LIMCH1: variants seen among roughly 807,000 people sequenced by gnomAD.
The protein encoded by LIMCH1 is LIM and calponin homology domains 1, also known as LIM and calponin homology domains-containing protein 1.
In LIMCH1, 113 loss-of-function variants were observed where a neutral mutation model predicts 176.5. The observed-to-expected ratio is 0.64, with a 90% CI of 0.55 to 0.75. The LOEUF (loss-of-function observed/expected upper bound fraction) is 0.75. LIMCH1 is among the 30% of genes least tolerant of loss of function. The pLI, the probability that LIMCH1 is intolerant of heterozygous loss-of-function variation, is 0.00. For missense variants in LIMCH1, 1,674 were observed against 1,814.9 expected, an observed-to-expected ratio of 0.92 and a Z score of 1.41; for synonymous variants, 619 against 645.9, an observed-to-expected ratio of 0.96 and a Z score of 0.63.
At chr4:41,522,169 G>C (rs2076187160) in intron 2 of LIMCH1, among the ~76,000 whole-genome samples, 1 of 152,086 alleles carries the variant, frequency 6.6e-6, no homozygotes, top group African/African-American at 2.4e-5. Context: ...AAAACTATTA[G>C]ACAGAGTGGT....
intron 1 of LIMCH1, among the ~76,000 whole-genome samples, chr4:41,489,007 G>C (rs1183324070): frequency 1.3e-5 from 2 of 152,046 alleles, no homozygotes; most frequent in East Asian, 3.9e-4. Context: ...AGTGAACTAT[G>C]GCTGTTCGTG....
At chr4:41,526,643 A>G (rs2076688554) in intron 3 of LIMCH1, among the ~76,000 whole-genome samples, 1 of 152,096 alleles carries the variant, frequency 6.6e-6, no homozygotes, top group Non-Finnish European at 1.5e-5. Flanking sequence ...ATTGACCCAA[A>G]GCAGCATTTC....
At position 41,698,593 on chromosome 4, in the gene LIMCH1, T is replaced by A. The variant is rs1311357627; in HGVS notation, c.*1408T>A. The A allele has an allele frequency of 1.3e-5, 2 of 152,640 alleles. No individual in the cohort carries two copies. Among genetic ancestry groups the A allele is most frequent in the Non-Finnish European group, 2.9e-5 (2 of 68,036 alleles). 9.5% of individuals were successfully genotyped at this position (152,640 alleles called of 1,614,324 possible). On this transcript the variant is annotated 3_prime_UTR_variant, in exon 32 of 32. Transcript: ENST00000503057. Reference sequence around the variant, plus strand: ...AAGATGACATTTTGTGAATGTAGACTATGGATACACTCCTAATAGATTGAT... The same window carrying A: ...AAGATGACATTTTGTGAATGTAGACAATGGATACACTCCTAATAGATTGAT...
At chr4:41,538,149 A>G (rs2078158621), upstream of LIMCH1, 1 of 985,292 alleles carries the variant, frequency 1.0e-6, no homozygotes, top group Non-Finnish European at 1.2e-6. Flanking sequence ...GTTCCCTTTC[A>G]CTGCATCAGC....
chr4:41,430,484 G>A (rs769253970), intron 1 of LIMCH1, among the ~76,000 whole-genome samples: 4 of 152,144 alleles, frequency 2.6e-5, no homozygotes, highest in East Asian at 1.9e-4. Flanking sequence ...GGATGGTCTC[G>A]ATCTCCTGAC....
chr4:41,682,660 AT>A (rs1054518347), intron 26 of LIMCH1, among the ~76,000 whole-genome samples, 200 bp downstream of exon 26: 18 of 141,908 alleles, frequency 1.3e-4, no homozygotes, highest in Middle Eastern at 3.8e-3. Context: ...AAATAGCCTT[AT>A]TTTTTTTCTT....
intron 28 of LIMCH1, among the ~76,000 whole-genome samples, chr4:41,687,635 C>T (rs534694214): frequency 6.6e-6 from 1 of 151,648 alleles, no homozygotes; most frequent in South Asian, 2.1e-4. Flanking sequence ...TTTTATGTAG[C>T]TAATACATGT....
chr4:41,465,743 A>G (rs1019244177), intron 1 of LIMCH1, among the ~76,000 whole-genome samples: 6 of 152,196 alleles, frequency 3.9e-5, no homozygotes, highest in African/African-American at 1.2e-4. Context: ...ATAATTTTCT[A>G]TACATGTAGA....
intron 1 of LIMCH1, among the ~76,000 whole-genome samples, chr4:41,392,833 C>G (rs554384486): frequency 3.3e-5 from 5 of 152,172 alleles, no homozygotes; most frequent in African/African-American, 1.2e-4. Context: ...GAATTCGAGA[C>G]CAGCCTGGGC....
At chr4:41,628,888 C>T (rs1367004440) in intron 8 of LIMCH1, among the ~76,000 whole-genome samples, 3 of 152,188 alleles carry the variant, frequency 2.0e-5, no homozygotes, top group Admixed American at 6.5e-5. Context: ...TTCAAGTTTG[C>T]ATTAGCCAAA....
At chr4:41,423,020 A>G (rs74868586) in intron 1 of LIMCH1, among the ~76,000 whole-genome samples, 1 of 152,274 alleles carries the variant, frequency 6.6e-6, no homozygotes, top group African/African-American at 2.4e-5. Flanking sequence ...GGCCTCCCAA[A>G]GTGCTGGAAT....
At chr4:41,632,946 C>G (rs774485498) in intron 11 of LIMCH1, 31 bp from the exon 12 acceptor site, 76 of 1,531,370 alleles carry the variant, frequency 5.0e-5, no homozygotes, top group Non-Finnish European at 6.1e-5. Flanking sequence ...GAATTCTTTC[C>G]TAGGAGTGAA....
At chr4:41,539,680 A>G (rs184608635) in intron 1 of LIMCH1, among the ~76,000 whole-genome samples, 1 of 152,318 alleles carries the variant, frequency 6.6e-6, no homozygotes, top group East Asian at 1.9e-4. Flanking sequence ...GCTGATACAT[A>G]GTCCTAGCTG....
At chr4:41,683,578 AG>A (rs1718066626) in intron 26 of LIMCH1, among the ~76,000 whole-genome samples, 1 of 152,230 alleles carries the variant, frequency 6.6e-6, no homozygotes, top group South Asian at 2.1e-4. Flanking sequence ...GAGGCATGAA[AG>A]GCTAAGTGTC....
At chr4:41,461,131 T>G (rs998950850) in intron 1 of LIMCH1, among the ~76,000 whole-genome samples, 6 of 152,204 alleles carry the variant, frequency 3.9e-5, no homozygotes, top group Non-Finnish European at 8.8e-5. Context: ...CCTATTAATT[T>G]GTTGAATCTT....
At position 41,652,458 on chromosome 4, in the gene LIMCH1, T is replaced by C. The variant is rs187122594; in HGVS notation, c.3036+1850T>C. ...CTGGACTTCCATTTTACTTGTCATTTGCATACGTCTTACCTCTGCTAGAGA... is the reference window on the plus strand; with the variant it reads ...CTGGACTTCCATTTTACTTGTCATTCGCATACGTCTTACCTCTGCTAGAGA... On this transcript the variant is annotated intron_variant, in intron 18 of 31. Transcript: ENST00000503057. 2.0e-5 allele frequency among the ~76,000 whole-genome samples: 3 copies of C among 152,332 alleles called. No homozygotes were observed. In the East Asian group the frequency reaches 5.8e-4, roughly 29 times the overall value.
intron 1 of LIMCH1, among the ~76,000 whole-genome samples, chr4:41,551,948 A>C (rs2080496906): frequency 6.6e-6 from 1 of 152,214 alleles, no homozygotes; most frequent in African/African-American, 2.4e-5. Flanking sequence ...TAATAAAGAC[A>C]TACCCAAGAC....
intron 18 of LIMCH1, among the ~76,000 whole-genome samples, chr4:41,660,828 A>T (rs907216691): frequency 7.9e-5 from 12 of 152,320 alleles, no homozygotes; most frequent in Middle Eastern, 3.4e-3. Flanking sequence ...GTCCAGTTGA[A>T]ATCTTTCAGA....
chr4:41,487,893 C>G (rs939369689), intron 1 of LIMCH1, among the ~76,000 whole-genome samples: 1 of 148,986 alleles, frequency 6.7e-6, no homozygotes, highest in Non-Finnish European at 1.5e-5. Context: ...ACCTCCTGAT[C>G]TGCCCGCCTT....
Sources: gnomAD v4.1 joint callset for allele counts (sites outside exome capture counted in the v4.1 genomes callset) on GRCh38, gnomAD v4.1.1 for gene constraint, MANE v1.5 for transcripts, NCBI Gene and HGNC (gene_info 2026-07-23, HGNC 2026-07-21) for gene names.